Variants in LMAN1L observed in about 807,000 individuals in gnomAD.
The protein encoded by LMAN1L is protein ERGIC-53-like.
LMAN1L carries 60 observed loss-of-function variants against 58.3 expected under a neutral mutation model. The ratio of observed to expected loss-of-function variants is 1.03; its 90% confidence interval spans 0.84 to 1.27. The LOEUF is 1.27. LMAN1L is among the 50% of genes most tolerant of loss of function. The probability of loss-of-function intolerance (pLI) is 0.00; values close to 1 mark genes in which losing one functional copy is unlikely to be tolerated. For missense variants in LMAN1L, 629 were observed against 674.0 expected (o/e 0.93, Z 0.74); for synonymous variants, 280 against 271.6 (o/e 1.03, Z -0.31).
intron 1 of LMAN1L, among the ~76,000 whole-genome samples, chr15:74,815,322 A>G (rs1431976337): frequency 6.6e-6 from 1 of 152,184 alleles, no homozygotes; most frequent in African/African-American, 2.4e-5. Context: ...ACGTCCTGGC[A>G]GAGTCTGGGC....
Position 74,819,170 on chromosome 15 carries a change from C to T in LMAN1L, c.616C>T (p.Leu206Phe). The T allele has an allele frequency of 6.2e-7, 1 of 1,613,244 alleles. No homozygotes were observed. Among genetic ancestry groups the T allele is most frequent in the Non-Finnish European group, 8.5e-7 (1 of 1,179,546 alleles). Residue 206 changes from leucine to phenylalanine, a missense_variant, in exon 6 of 14, where the codon CTC becomes TTC. By Grantham distance (22) the Leu-to-Phe change is conservative (BLOSUM62 0). Transcript: ENST00000309664. ...QRLRMSLNSG[L>F]TPSDPGEFCV... ...CCCTCAGATGTCCTTGAACAGTGGC[C>T]TCACTCCCAGTGATCCAGGTGAGTT...
intron 3 of LMAN1L, 43 bp downstream of exon 3, chr15:74,816,577 C>G: frequency 6.3e-7 from 1 of 1,590,822 alleles, no homozygotes. Context: ...TGCCCGCTCA[C>G]ACCCTCCCCC....
At chr15:74,814,799 G>A (rs530453996) in intron 1 of LMAN1L, among the ~76,000 whole-genome samples, 6 of 152,270 alleles carry the variant, frequency 3.9e-5, no homozygotes, top group African/African-American at 9.6e-5. Context: ...ATGAGCCACC[G>A]CGCCCAGCCC....
rs1366150566 is a variant in LMAN1L, at chr15:74,825,560, G to A, written c.1536G>A (p.Leu512=). The change falls in exon 14 of 14, where the codon CTG becomes CTA. Residue 512 remains leucine (L), a synonymous_variant. Coordinates refer to ENST00000309664, the MANE Select transcript of LMAN1L (RefSeq NM_021819.3). The part of the protein sequence containing the change: ...LGPAPHTPRA[L]GILRRQPLPA... ...CTGCACCACACACCCCCAGGGCCCT[G>A]GGGATTCTGAGGAGGCAGCCTCTCC... 1.2e-6 allele frequency: 2 copies of A among 1,613,124 alleles called. No individual in the cohort carries two copies. The highest frequency in any genetic ancestry group is 2.7e-5 in the African/African-American group (2 of 74,882).
chr15:74,823,575 A>G lies in LMAN1L; in HGVS notation c.1216A>G (p.Met406Val), dbSNP rs781642360. The G allele has an allele frequency of 3.7e-6, 6 of 1,613,928 alleles. No homozygotes were observed. In the South Asian group the frequency reaches 6.6e-5, roughly 18 times the overall value. Residue 406 changes from methionine (M) to valine (V), a missense_variant, in exon 12 of 14, where the codon ATG becomes GTG. Around this residue, in one of 3 missense-constraint regions of LMAN1L, gnomAD observed 573 missense variants for 597.3 expected, o/e 0.96. Coordinates refer to ENST00000309664, the MANE Select transcript of LMAN1L (RefSeq NM_021819.3). ...CCCGGTTAGGGATGCAGCTGTCCGCATGGCTGCAGAAGCCCAGGTCTCCTA... is the reference window on the plus strand; with the variant it reads ...CCCGGTTAGGGATGCAGCTGTCCGCGTGGCTGCAGAAGCCCAGGTCTCCTA... ...LQEMRDAAVR[M>V]AAEAQVSYLP...
intron 6 of LMAN1L, 88 bp from the exon 7 acceptor site, chr15:74,819,956 T>G: frequency 8.0e-7 from 1 of 1,246,110 alleles, no homozygotes; most frequent in Non-Finnish European, 1.2e-6. Context: ...CTTGCCTCGG[T>G]GGGATATCAT....
At chr15:74,814,146 G>C (rs571865347) in intron 1 of LMAN1L, among the ~76,000 whole-genome samples, 1 of 148,592 alleles carries the variant, frequency 6.7e-6, no homozygotes, top group South Asian at 2.2e-4. Flanking sequence ...AAAAAAAGAT[G>C]TGAGTTCTGA....
intron 1 of LMAN1L, among the ~76,000 whole-genome samples, chr15:74,813,796 A>G (rs1186995621): frequency 3.9e-5 from 6 of 152,204 alleles, no homozygotes; most frequent in Admixed American, 2.6e-4. Flanking sequence ...CAAAGCAAAG[A>G]CAGAAAGCAG....
intron 10 of LMAN1L, 105 bp downstream of exon 10, chr15:74,822,005 G>A: frequency 1.7e-5 from 13 of 763,386 alleles, no homozygotes; most frequent in Non-Finnish European, 2.9e-5. Context: ...GCTTCCTTCA[G>A]GGGACAGAAC....
chr15:74,821,714 C>T, intron 9 of LMAN1L, 115 bp from the exon 10 acceptor site: 1 of 711,656 alleles, frequency 1.4e-6, no homozygotes, highest in African/African-American at 1.8e-5. Context: ...TTGCTGGGCT[C>T]TGACAGCTCG....
rs139935799 is a variant in LMAN1L, at chr15:74,816,270, A to G, written c.289A>G (p.Met97Val). 1,598 of 1,611,594 alleles carry G rather than the reference A, an allele frequency of 9.9e-4. 9 individuals are homozygous for G. The East Asian group carries it at 0.01, about 10-fold the overall frequency. The stretch of plus-strand genomic sequence containing the variant: ...CTCTGCCTGGGAAGTAGAGGTGCAG[A>G]TGAGGGTGACGGGACTGGGGCGCCG... ...PFSAWEVEVQ[M>V]RVTGLGRRGA... is the part of the protein sequence containing the mutation. The change falls in exon 2 of 14, where the codon ATG (methionine) becomes GTG (valine). Residue 97 changes from methionine to valine, a missense_variant. This residue lies in a region of LMAN1L where 573 missense variants were observed against 597.3 expected (regional missense o/e 0.96). Coordinates refer to ENST00000309664, the MANE Select transcript of LMAN1L (RefSeq NM_021819.3).
At chr15:74,813,261 C>T (rs1359055143) in intron 1 of LMAN1L, 2 of 650,328 alleles carry the variant, frequency 3.1e-6, no homozygotes, top group African/African-American at 1.8e-5. Context: ...GCTTCCCTGC[C>T]CCAGGACTTC....
chr15:74,823,249 T>C (rs2063925121), intron 11 of LMAN1L, among the ~76,000 whole-genome samples: 1 of 151,266 alleles, frequency 6.6e-6, no homozygotes, highest in South Asian at 2.1e-4. Flanking sequence ...ATGCCTAGGG[T>C]TGGGGGTGGA....
chr15:74,821,285 C>A, intron 9 of LMAN1L, 59 bp downstream of exon 9: 1 of 1,522,200 alleles, frequency 6.6e-7, no homozygotes, highest in Non-Finnish European at 8.8e-7. Context: ...GGAGCAAGCA[C>A]TGTAGTCAGC....
chr15:74,825,397 G>A lies in LMAN1L; in HGVS notation c.1452-79G>A, dbSNP rs2063936752. 4.0e-6 allele frequency: 6 copies of A among 1,486,392 alleles called. No homozygotes were observed. The South Asian group carries it at 7.4e-5, about 18-fold the overall frequency. The allele number at this position is 1,486,392 out of a possible 1,614,324, so 92.1% of individuals were successfully genotyped here. ...GTTGTGGTGCAGTGAGTGTAGCAAG[G>A]CAAGCATGAGAGTCCTGGTTTTTCA... On this transcript the variant is annotated intron_variant, in intron 13 of 13. Transcript: ENST00000309664.
chr15:74,823,968 G>A (rs1264005284), intron 12 of LMAN1L: 1 of 515,756 alleles, frequency 1.9e-6, no homozygotes, highest in Non-Finnish European at 3.5e-6. Context: ...GACCAGAGGG[G>A]AAACAGGGTG....
rs200522014 is a variant in LMAN1L at position 74,816,701 on chromosome 15, G to C, written c.497+11G>C. On this transcript the variant is annotated intron_variant, in intron 4 of 13. Coordinates refer to ENST00000309664, the MANE Select transcript of LMAN1L (RefSeq NM_021819.3). ...CTCTGAGCAGCCTGGGTAAGGGCCT[G>C]TCTGGACTGACCACTCACCTCCATT... 6.2e-7 allele frequency: 1 copy of C among 1,612,894 alleles called. No homozygotes were observed. The highest frequency in any genetic ancestry group is 1.3e-5 in the African/African-American group (1 of 74,998).
Position 74,813,104 on chromosome 15 carries a change from GT to G in LMAN1L, c.175+76del. 4.0e-6 allele frequency: 6 copies of G among 1,486,566 alleles called. No individual in the cohort carries two copies. In the Admixed American group the frequency reaches 5.5e-5, roughly 14 times the overall value. The allele number at this position is 1,486,566 out of a possible 1,614,324, so 92.1% of individuals were successfully genotyped here. ...TGGAGGGGCTGTGACTTGGTGGGGA[GT>G]GGGTCTGTCACAGCCATCCTCTGTC... On this transcript the variant is annotated intron_variant, in intron 1 of 13. Coordinates refer to ENST00000309664, the MANE Select transcript of LMAN1L (RefSeq NM_021819.3).
rs112681578 is a variant in LMAN1L at position 74,824,661 on chromosome 15, G to A, written c.1451+183G>A. ...ACCAAGCACTACTGACCACCTGCTC[G>A]GCCCCCAGCCCCATCTGGGTCCTGC... On this transcript the variant is annotated intron_variant, in intron 13 of 13. Transcript: ENST00000309664. The A allele has an allele frequency of 4.7e-3, 3,027 of 647,844 alleles. 74 individuals are homozygous for A. The African/African-American group carries it at 0.051, about 11-fold the overall frequency. 40.1% of individuals were successfully genotyped at this position (647,844 alleles called of 1,614,324 possible).
Sources: gnomAD v4.1 joint callset for allele counts (sites outside exome capture counted in the v4.1 genomes callset) on GRCh38, gnomAD v4.1.1 for gene constraint, gnomAD v4.1.1 regional missense constraint, MANE v1.5 for transcripts, NCBI Gene and HGNC (gene_info 2026-07-23, HGNC 2026-07-21) for gene names.